Variants in CADPS2 observed in about 807,000 individuals in gnomAD.
The protein encoded by CADPS2 is calcium dependent secretion activator 2.
A neutral mutation model predicts 172.5 loss-of-function variants in CADPS2; 93 were observed. That is an observed-to-expected ratio of 0.54 (90% CI 0.46 to 0.64). The LOEUF is 0.64. CADPS2 is among the 30% of genes least tolerant of loss of function. The pLI, the probability that CADPS2 is intolerant of heterozygous loss-of-function variation, is 0.00. For synonymous variants in CADPS2, 546 were observed against 555.2 expected (o/e 0.98, Z 0.23); for missense variants, 1,420 against 1,565.9 (o/e 0.91, Z 1.57).
intron 6 of CADPS2, among the ~76,000 whole-genome samples, chr7:122,583,793 T>TA: frequency 6.6e-6 from 1 of 151,148 alleles, no homozygotes; most frequent in Non-Finnish European, 1.5e-5. Context: ...AACATACATA[T>TA]CATATACATC....
chr7:122,823,278 G>A (rs943812028), intron 1 of CADPS2, among the ~76,000 whole-genome samples: 1 of 151,988 alleles, frequency 6.6e-6, no homozygotes, highest in Non-Finnish European at 1.5e-5. Context: ...TCTATTTTAG[G>A]GGGAAAAAAT....
intron 7 of CADPS2, among the ~76,000 whole-genome samples, chr7:122,574,790 T>C (rs542406021): frequency 6.6e-6 from 1 of 152,012 alleles, no homozygotes; most frequent in South Asian, 2.1e-4. Context: ...AACACACAAA[T>C]TTTTTTTAAA....
chr7:122,621,310 T>A (rs1177095318), intron 5 of CADPS2, among the ~76,000 whole-genome samples, 171 bp downstream of exon 5: 1 of 152,190 alleles, frequency 6.6e-6, no homozygotes, highest in African/African-American at 2.4e-5. Flanking sequence ...AAAGGAAAAT[T>A]TGCATTCATT....
intron 2 of CADPS2, among the ~76,000 whole-genome samples, chr7:122,716,381 C>T (rs2089600998): frequency 1.3e-5 from 2 of 152,022 alleles, no homozygotes; most frequent in African/African-American, 4.8e-5. Flanking sequence ...ACCATCACTA[C>T]CAAAAAGGCA....
chr7:122,362,263 G>A (rs576989107), intron 25 of CADPS2, among the ~76,000 whole-genome samples: 3 of 152,182 alleles, frequency 2.0e-5, no homozygotes, highest in South Asian at 2.1e-4. Context: ...CAAAGCTTAC[G>A]TAGCAGTTAT....
At chr7:122,844,000 G>A (rs1311741296) in intron 1 of CADPS2, among the ~76,000 whole-genome samples, 1 of 152,232 alleles carries the variant, frequency 6.6e-6, no homozygotes, top group African/African-American at 2.4e-5. Context: ...GCAGAGACAG[G>A]ATCATAGACG....
intron 1 of CADPS2, among the ~76,000 whole-genome samples, chr7:122,876,092 G>A (rs577085243): frequency 3.9e-5 from 6 of 152,126 alleles, no homozygotes; most frequent in Admixed American, 1.3e-4. Context: ...AGGCTGAGGC[G>A]GGTGGATCAC....
At chr7:122,456,741 A>G (rs1346488588) in intron 14 of CADPS2, among the ~76,000 whole-genome samples, 2 of 152,200 alleles carry the variant, frequency 1.3e-5, no homozygotes, top group Non-Finnish European at 2.9e-5. Context: ...CATCACACAC[A>G]TGTACATCCC....
intron 9 of CADPS2, among the ~76,000 whole-genome samples, chr7:122,505,194 C>T (rs1327719528): frequency 6.6e-6 from 1 of 152,038 alleles, no homozygotes; most frequent in Non-Finnish European, 1.5e-5. Context: ...AAAAATTTAC[C>T]TGCTATTTAA....
chr7:122,611,725 C>T (rs1396965007), intron 6 of CADPS2, among the ~76,000 whole-genome samples: 1 of 151,984 alleles, frequency 6.6e-6, no homozygotes, highest in African/African-American at 2.4e-5. Context: ...TACAAGGCCA[C>T]TATTACCCTG....
Position 122,680,149 on chromosome 7 carries a change from A to G in CADPS2, c.454-16580T>C, listed in dbSNP as rs113713395. Among the ~76,000 whole-genome samples, 117 of 152,348 alleles carry G rather than the reference A, an allele frequency of 7.7e-4. 1 individual carries two copies. Among genetic ancestry groups the G allele is most frequent in the African/African-American group, 2.7e-3 (112 of 41,582 alleles). ...CTTTCTTGGCACACAAAAAAAGTAC[A>G]ATATCTGACCTCTGTTTTTATTTAC... On this transcript the variant is annotated intron_variant, in intron 2 of 29. Coordinates refer to ENST00000449022, the MANE Select transcript of CADPS2 (RefSeq NM_017954.11).
At chr7:122,459,102 AATTT>A (rs2054144450) in intron 14 of CADPS2, among the ~76,000 whole-genome samples, 1 of 151,936 alleles carries the variant, frequency 6.6e-6, no homozygotes, top group African/African-American at 2.4e-5. Context: ...ATATAATTAT[AATTT>A]ATTTCTCTAA....
At chr7:122,343,152 CA>C (rs1442635480) in intron 28 of CADPS2, among the ~76,000 whole-genome samples, 1 of 151,904 alleles carries the variant, frequency 6.6e-6, no homozygotes, top group Non-Finnish European at 1.5e-5. Context: ...GATGACAAAT[CA>C]ATAGAATTAG....
chr7:122,541,513 GTT>G (rs113969612), intron 8 of CADPS2, among the ~76,000 whole-genome samples: 30 of 136,604 alleles, frequency 2.2e-4, no homozygotes, highest in Admixed American at 5.9e-4. Context: ...GCCAATTTTT[GTT>G]TTTTTTTTTT....
chr7:122,659,436 T>C (rs13222266), intron 3 of CADPS2, among the ~76,000 whole-genome samples: 5,445 of 151,216 alleles, frequency 0.036, 188 homozygotes, highest in Non-Finnish European at 0.049. Context: ...CTTCCCAAAC[T>C]GAAATACAAA....
At chr7:122,635,850 T>A (rs747248256) in intron 3 of CADPS2, among the ~76,000 whole-genome samples, 3 of 152,214 alleles carry the variant, frequency 2.0e-5, no homozygotes, top group Non-Finnish European at 4.4e-5. Flanking sequence ...CTTTTCATTA[T>A]GTAATGCCCT....
At chr7:122,407,863 T>G in intron 19 of CADPS2, 167 bp from the exon 20 acceptor site, 2 of 610,168 alleles carry the variant, frequency 3.3e-6, no homozygotes, top group South Asian at 2.1e-5. Context: ...TAGGTACACA[T>G]TAAAATCATA....
At chr7:122,603,438 T>C (rs1038653529) in intron 6 of CADPS2, among the ~76,000 whole-genome samples, 1 of 143,052 alleles carries the variant, frequency 7.0e-6, no homozygotes, top group Admixed American at 6.9e-5. Context: ...TTAAAGAAAG[T>C]AGAGAAATGA....
intron 1 of CADPS2, among the ~76,000 whole-genome samples, chr7:122,739,443 T>C (rs951744565): frequency 6.6e-6 from 1 of 152,212 alleles, no homozygotes; most frequent in African/African-American, 2.4e-5. Flanking sequence ...AGTTCCGCTA[T>C]TATAACAGTG....
Sources: gnomAD v4.1 joint callset for allele counts (sites outside exome capture counted in the v4.1 genomes callset) on GRCh38, gnomAD v4.1.1 for gene constraint, MANE v1.5 for transcripts, NCBI Gene and HGNC (gene_info 2026-07-23, HGNC 2026-07-21) for gene names.